The following LEKR1 variants were observed in gnomAD, a reference collection of about 807,000 sequenced individuals.
The protein encoded by LEKR1 is leucine, glutamate and lysine rich 1.
Under a neutral mutation model 72.4 loss-of-function variants are expected in LEKR1, and 59 were observed. The observed-to-expected ratio is 0.82, with a 90% CI of 0.66 to 1.01. The LOEUF is 1.01. LEKR1 is among the 50% of genes least tolerant of loss of function. LEKR1 has a pLI of 0.00. For synonymous variants in LEKR1, 257 were observed against 263.2 expected, an observed-to-expected ratio of 0.98 and a Z score of 0.23; for missense variants, 728 against 759.2, an observed-to-expected ratio of 0.96 and a Z score of 0.48.
At chr3:156,840,843 G>C (rs1485307187) in intron 2 of LEKR1, among the ~76,000 whole-genome samples, 1 of 152,180 alleles carries the variant, frequency 6.6e-6, no homozygotes, top group Non-Finnish European at 1.5e-5. Context: ...AGCTATACTT[G>C]TACTCACCTG....
intron 9 of LEKR1, among the ~76,000 whole-genome samples, chr3:156,999,811 G>A (rs925411177): frequency 3.3e-5 from 5 of 152,180 alleles, no homozygotes; most frequent in African/African-American, 1.2e-4. Flanking sequence ...TGCCTCACTG[G>A]TGAAGCAGGT....
Position 157,024,919 on chromosome 3 carries a change from A to G in LEKR1, c.1363A>G (p.Met455Val). Reference protein sequence around the residue: ...KYKKEQEELQMKISDLITGAT... With the variant: ...KYKKEQEELQVKISDLITGAT... ...TAAGAAAGAACAAGAGGAACTACAA[A>G]TGAAGGTCTGTAATTATGATGTTCA... is the stretch of plus-strand genomic sequence containing the variant. The change falls in exon 11 of 13, where the codon ATG (methionine) becomes GTG (valine). Residue 455 changes from methionine (M) to valine (V), a missense_variant. Met to Val is a conservative substitution (Grantham distance 21, BLOSUM62 1). Coordinates refer to ENST00000356539, the MANE Select transcript of LEKR1 (RefSeq NM_001004316.3). The G allele has an allele frequency of 6.3e-7, 1 of 1,575,116 alleles. No individual in the cohort carries two copies. Among genetic ancestry groups the G allele is most frequent in the East Asian group, 2.2e-5 (1 of 44,630 alleles).
chr3:157,027,660 A>G (rs767964755), intron 11 of LEKR1, among the ~76,000 whole-genome samples: 1 of 152,066 alleles, frequency 6.6e-6, no homozygotes, highest in Non-Finnish European at 1.5e-5. Flanking sequence ...TACAAAAAAT[A>G]AAAAATTAGC....
At chr3:157,035,225 A>G (rs1216906753) in intron 12 of LEKR1, among the ~76,000 whole-genome samples, 1 of 152,170 alleles carries the variant, frequency 6.6e-6, no homozygotes, top group Non-Finnish European at 1.5e-5. Context: ...TATTTGCTTT[A>G]TTTTGGTCTA....
intron 3 of LEKR1, among the ~76,000 whole-genome samples, chr3:156,865,550 A>G (rs1284814896): frequency 2.0e-5 from 3 of 152,010 alleles, no homozygotes; most frequent in Non-Finnish European, 4.4e-5. Context: ...TCATTCAACC[A>G]CGATGCTAGT....
intron 3 of LEKR1, among the ~76,000 whole-genome samples, chr3:156,870,898 CAA>C (rs1314340619): frequency 2.0e-5 from 3 of 152,010 alleles, no homozygotes; most frequent in Non-Finnish European, 4.4e-5. Context: ...TGAACTTTAT[CAA>C]ATACTTTTTC....
chr3:156,847,156 G>A (rs866411563), intron 2 of LEKR1, among the ~76,000 whole-genome samples: 4 of 152,176 alleles, frequency 2.6e-5, no homozygotes, highest in Non-Finnish European at 4.4e-5. Context: ...GCAGCAGGAA[G>A]GTACTAAGTA....
At chr3:157,020,085 T>A (rs957453649) in intron 10 of LEKR1, among the ~76,000 whole-genome samples, 1 of 152,126 alleles carries the variant, frequency 6.6e-6, no homozygotes, top group African/African-American at 2.4e-5. Flanking sequence ...ATTCCTTCCT[T>A]GTTTTCTCTC....
At chr3:156,829,449 G>A (rs1367421872) in intron 2 of LEKR1, 72 bp downstream of exon 2, 2 of 1,064,656 alleles carry the variant, frequency 1.9e-6, no homozygotes, top group Non-Finnish European at 2.7e-6. Flanking sequence ...AAACCTAGAG[G>A]AGTGAATTCA....
At chr3:156,945,752 T>C (rs1726619723) in intron 6 of LEKR1, among the ~76,000 whole-genome samples, 1 of 151,600 alleles carries the variant, frequency 6.6e-6, no homozygotes. Flanking sequence ...CAAAAATTAG[T>C]TCACTGTAGA....
intron 3 of LEKR1, among the ~76,000 whole-genome samples, chr3:156,859,448 A>AT (rs1716496660): frequency 1.3e-5 from 2 of 152,130 alleles, no homozygotes; most frequent in South Asian, 4.1e-4. Context: ...AATAAACTTT[A>AT]TTTTTTAGAG....
At chr3:157,003,384 C>T (rs1732163497) in intron 9 of LEKR1, among the ~76,000 whole-genome samples, 1 of 152,108 alleles carries the variant, frequency 6.6e-6, no homozygotes, top group African/African-American at 2.4e-5. Context: ...AACAAATGAC[C>T]ACAAATTTAG....
At chr3:156,954,513 C>G (rs750377105) in intron 6 of LEKR1, among the ~76,000 whole-genome samples, 1 of 151,978 alleles carries the variant, frequency 6.6e-6, no homozygotes, top group Non-Finnish European at 1.5e-5. Flanking sequence ...AGCCTTTAAT[C>G]CATCTTGAGT....
intron 3 of LEKR1, chr3:156,888,429 A>G (rs1424177545): frequency 8.7e-6 from 6 of 689,982 alleles, no homozygotes; most frequent in Admixed American, 6.1e-5. Flanking sequence ...GCTTTTCTTA[A>G]TAACTTTGTT....
chr3:157,043,695 A>G (rs1560167089), intron 12 of LEKR1, among the ~76,000 whole-genome samples: 3 of 152,182 alleles, frequency 2.0e-5, no homozygotes, highest in South Asian at 4.1e-4. Flanking sequence ...TGCCTTGTTA[A>G]TCTTCCTCTC....
At chr3:156,890,483 A>G (rs1720538309) in intron 3 of LEKR1, among the ~76,000 whole-genome samples, 1 of 152,214 alleles carries the variant, frequency 6.6e-6, no homozygotes, top group Admixed American at 6.5e-5. Flanking sequence ...TACTTTGTGA[A>G]TTTGCTTTAA....
chr3:156,886,693 C>T (rs1720131636), intron 3 of LEKR1, among the ~76,000 whole-genome samples: 1 of 152,144 alleles, frequency 6.6e-6, no homozygotes, highest in South Asian at 2.1e-4. Flanking sequence ...GAGGTTAAAA[C>T]CTCCCATGAC....
rs892137345 is a variant in LEKR1 at position 156,839,918 on chromosome 3, C to T, written c.48+10541C>T. Among the ~76,000 whole-genome samples the T allele has an allele frequency of 5.3e-5, 8 of 152,240 alleles. 1 individual carries two copies. The highest frequency in any genetic ancestry group is 1.0e-4 in the Non-Finnish European group (7 of 68,014). ...GTTATGACATATTTCCTCAAAGTTACTCCAAGCGTGCCTGTCTTTTTTGCC... is the reference window on the plus strand; with the variant it reads ...GTTATGACATATTTCCTCAAAGTTATTCCAAGCGTGCCTGTCTTTTTTGCC... On this transcript the variant is annotated intron_variant, in intron 2 of 12. Coordinates refer to ENST00000356539, the MANE Select transcript of LEKR1 (RefSeq NM_001004316.3).
chr3:156,848,554 G>T (rs1714919248), intron 2 of LEKR1, among the ~76,000 whole-genome samples: 1 of 152,088 alleles, frequency 6.6e-6, no homozygotes, highest in Admixed American at 6.6e-5. Flanking sequence ...GAAAACATTT[G>T]ACAAAGTTTG....
Sources: allele counts gnomAD v4.1 joint callset (sites outside exome capture counted in the v4.1 genomes callset), GRCh38; gene constraint gnomAD v4.1.1; transcripts MANE v1.5; gene names NCBI Gene and HGNC (gene_info 2026-07-23, HGNC 2026-07-21).